Variants in CACNB2 observed in about 807,000 individuals in gnomAD.
CACNB2 encodes the protein voltage-dependent L-type calcium channel subunit beta-2.
CACNB2 carries 42 observed loss-of-function variants against 73.3 expected under a neutral mutation model. The ratio of observed to expected loss-of-function variants is 0.57; its 90% CI spans 0.45 to 0.74. CACNB2 has a LOEUF of 0.74. Ranked by LOEUF, CACNB2 falls within the 30% of genes least tolerant of loss-of-function variation. The pLI is 0.00. For missense variants in CACNB2, 940 were observed against 853.0 expected (o/e 1.10, Z -1.27); for synonymous variants, 348 against 310.3 (o/e 1.12, Z -1.28).
chr10:18,515,145 C>A, intron 7 of CACNB2: 2 of 911,996 alleles, frequency 2.2e-6, no homozygotes, highest in South Asian at 2.8e-5. Context: ...AGCCAGTGGT[C>A]ATGCGTAGAG....
chr10:18,168,863 A>G (rs1218749033), intron 2 of CACNB2, among the ~76,000 whole-genome samples: 3 of 152,220 alleles, frequency 2.0e-5, no homozygotes, highest in Non-Finnish European at 4.4e-5. Flanking sequence ...GTTCCTTGAC[A>G]TAGGCCAATG....
At chr10:18,435,069 T>C (rs887119872) in intron 3 of CACNB2, among the ~76,000 whole-genome samples, 1 of 152,182 alleles carries the variant, frequency 6.6e-6, no homozygotes, top group Admixed American at 6.5e-5. Context: ...CCCACGTAGA[T>C]GCCTTCTGCT....
chr10:18,216,384 T>C (rs10508559), intron 2 of CACNB2, among the ~76,000 whole-genome samples: 2,203 of 152,226 alleles, frequency 0.014, 74 homozygotes, highest in East Asian at 0.14. Flanking sequence ...TCTGGTAAAG[T>C]CCATCAAAAG....
chr10:18,442,080 A>T (rs1204497311), intron 3 of CACNB2, among the ~76,000 whole-genome samples: 2 of 152,216 alleles, frequency 1.3e-5, no homozygotes, highest in Non-Finnish European at 2.9e-5. Context: ...TGAGGTGGAC[A>T]TACCAAGACA....
intron 9 of CACNB2, among the ~76,000 whole-genome samples, chr10:18,519,190 T>C (rs1458959626): frequency 2.6e-5 from 4 of 152,238 alleles, no homozygotes; most frequent in Non-Finnish European, 5.9e-5. Flanking sequence ...ATCCATAAGC[T>C]GACCTTGGGC....
In CACNB2 at chr10:18,146,388, T is replaced by C. The variant is rs527345508; in HGVS notation, c.121-4495T>C. Among the ~76,000 whole-genome samples the C allele has an allele frequency of 2.0e-5, 3 of 150,254 alleles. No homozygotes were observed. The East Asian group carries it at 5.9e-4, about 30-fold the overall frequency. The stretch of plus-strand genomic sequence containing the variant: ...GCAGTGGTGCAATCTTGGCTCACTG[T>C]AACCTCCACCTTCCATGTTGAAGCA... On this transcript the variant is annotated intron_variant, in intron 1 of 13. Coordinates refer to ENST00000324631, the MANE Select transcript of CACNB2 (RefSeq NM_201596.3).
chr10:18,261,398 G>T (rs2037535999), intron 2 of CACNB2: 1 of 1,547,816 alleles, frequency 6.5e-7, no homozygotes, highest in African/African-American at 1.4e-5. Flanking sequence ...GCCTCTTTCA[G>T]CTGTTTTTAT....
intron 2 of CACNB2, among the ~76,000 whole-genome samples, chr10:18,396,607 AT>A (rs1375063519): frequency 4.6e-5 from 7 of 152,042 alleles, no homozygotes; most frequent in African/African-American, 1.7e-4. Context: ...AGTAGCTGGG[AT>A]TATATGCATG....
intron 3 of CACNB2, among the ~76,000 whole-genome samples, chr10:18,442,169 G>C (rs2046440469): frequency 6.6e-6 from 1 of 151,716 alleles, no homozygotes; most frequent in Admixed American, 6.6e-5. Flanking sequence ...TTTTTATTGA[G>C]ACGGAGTTTC....
intron 2 of CACNB2, among the ~76,000 whole-genome samples, chr10:18,267,512 A>G (rs978532206): frequency 6.6e-6 from 1 of 152,260 alleles, no homozygotes; most frequent in Non-Finnish European, 1.5e-5. Context: ...AGGCTGAGGC[A>G]TGAGAATCAC....
At chr10:18,487,604 G>A (rs1015551342) in intron 3 of CACNB2, among the ~76,000 whole-genome samples, 1 of 152,090 alleles carries the variant, frequency 6.6e-6, no homozygotes, top group Non-Finnish European at 1.5e-5. Context: ...GGAGACCGAG[G>A]TGGGTGGATC....
At chr10:18,220,219 A>G (rs180944277) in intron 2 of CACNB2, among the ~76,000 whole-genome samples, 6,775 of 56,534 alleles carry the variant, frequency 0.12, 1,407 homozygotes, top group African/African-American at 0.35. Context: ...ATATATATAT[A>G]TATATATATA....
Position 18,261,710 on chromosome 10 carries a change from A to T in CACNB2, c.213+110735A>T, listed in dbSNP as rs146567818. 4.4e-3 allele frequency among the ~76,000 whole-genome samples: 674 copies of T among 152,270 alleles called. 3 individuals carry two copies. The highest frequency in any genetic ancestry group is 0.016 in the African/African-American group (645 of 41,542). On this transcript the variant is annotated intron_variant, in intron 2 of 13. Coordinates refer to ENST00000324631, the MANE Select transcript of CACNB2 (RefSeq NM_201596.3). ...GAAATACCACGGAGTTTGACAAATT[A>T]TAGATAGGCGCAGAGGCTAACACTA... is the stretch of plus-strand genomic sequence containing the variant.
chr10:18,397,354 A>G (rs560481475), intron 2 of CACNB2, among the ~76,000 whole-genome samples: 2 of 152,210 alleles, frequency 1.3e-5, no homozygotes, highest in African/African-American at 4.8e-5. Context: ...AATTTCAGCT[A>G]CTCTGGAGGC....
chr10:18,347,344 A>ATTTTTTTTTT lies in CACNB2; in HGVS notation c.214-54560_214-54551dup, dbSNP rs201654242. ...AGGCGCATGCCGCCATGCCCGTCTAATTTTTTTTTTTTTTTTTTTTTTTTT... is the reference window on the plus strand; with the variant it reads ...AGGCGCATGCCGCCATGCCCGTCTAATTTTTTTTTTTTTTTTTTTTTTTTTTTTTTTTTTT... On this transcript the variant is annotated intron_variant, in intron 2 of 13. Coordinates refer to ENST00000324631, the MANE Select transcript of CACNB2 (RefSeq NM_201596.3). Among the ~76,000 whole-genome samples, 55 of 120,814 alleles carry ATTTTTTTTTT rather than the reference A, an allele frequency of 4.6e-4. 1 individual carries two copies. Among genetic ancestry groups the ATTTTTTTTTT allele is most frequent in the Non-Finnish European group, 5.6e-4 (34 of 60,226 alleles). 79.3% of individuals were successfully genotyped at this position (120,814 alleles called of 152,430 possible).
chr10:18,481,192 C>CAATATATATA (rs1228539443), intron 3 of CACNB2, among the ~76,000 whole-genome samples: 2 of 36,700 alleles, frequency 5.4e-5, no homozygotes, highest in Non-Finnish European at 8.8e-5. Flanking sequence ...TACATCTTCG[C>CAATATATATA]TATATATATA....
At chr10:18,226,254 T>C (rs2131420061) in intron 2 of CACNB2, among the ~76,000 whole-genome samples, 1 of 152,282 alleles carries the variant, frequency 6.6e-6, no homozygotes, top group East Asian at 1.9e-4. Context: ...TTCGAACTCC[T>C]GAGCTCAAGT....
intron 2 of CACNB2, among the ~76,000 whole-genome samples, chr10:18,335,431 A>T (rs2040961985): frequency 6.6e-6 from 1 of 152,130 alleles, no homozygotes; most frequent in South Asian, 2.1e-4. Context: ...GCAGACAACA[A>T]CAACAAAAAT....
At chr10:18,178,810 T>C (rs9663417) in intron 2 of CACNB2, among the ~76,000 whole-genome samples, 5,904 of 152,232 alleles carry the variant, frequency 0.039, 388 homozygotes, top group African/African-American at 0.14. Flanking sequence ...GCAAGTTTGT[T>C]TGAAACTCTG....
Sources: gnomAD v4.1 joint callset for allele counts (sites outside exome capture counted in the v4.1 genomes callset) on GRCh38, gnomAD v4.1.1 for gene constraint, MANE v1.5 for transcripts, NCBI Gene and HGNC (gene_info 2026-07-23, HGNC 2026-07-21) for gene names.